Variants in CTTNBP2 observed in about 807,000 individuals in gnomAD.
CTTNBP2 encodes the protein cortactin-binding protein 2.
CTTNBP2 carries 108 observed loss-of-function variants against 156.9 expected under a neutral mutation model. The observed-to-expected ratio is 0.69, with a 90% CI of 0.59 to 0.81. The LOEUF (loss-of-function observed/expected upper bound fraction) is 0.81. Among genes scored for constraint, CTTNBP2 ranks in the 30% least tolerant of loss-of-function variants. The probability of loss-of-function intolerance (pLI) is 0.00; values close to 1 mark genes in which losing one functional copy is unlikely to be tolerated. For missense variants in CTTNBP2, 1,924 were observed against 2,035.4 expected (o/e 0.95, Z 1.05); for synonymous variants, 767 against 751.8 (o/e 1.02, Z -0.33).
At chr7:117,765,833 T>C (rs535150538) in intron 9 of CTTNBP2, among the ~76,000 whole-genome samples, 2 of 152,286 alleles carry the variant, frequency 1.3e-5, no homozygotes, top group African/African-American at 4.8e-5. Context: ...TTATGCACTA[T>C]CAACAATCTC....
chr7:117,831,958 T>C (rs1271194824), intron 2 of CTTNBP2, among the ~76,000 whole-genome samples: 2 of 152,204 alleles, frequency 1.3e-5, no homozygotes, highest in Non-Finnish European at 2.9e-5. Flanking sequence ...AACAGTATTC[T>C]ATGACCAAAA....
chr7:117,836,510 C>T (rs1801949620), intron 2 of CTTNBP2, among the ~76,000 whole-genome samples: 2 of 152,282 alleles, frequency 1.3e-5, no homozygotes, highest in South Asian at 4.1e-4. Flanking sequence ...TGGCAGTGAG[C>T]TGAGATCGCG....
chr7:117,728,209 A>C lies in CTTNBP2; in HGVS notation c.3935T>G (p.Leu1312Arg). 6.2e-7 allele frequency: 1 copy of C among 1,614,218 alleles called. No individual in the cohort carries two copies. Among genetic ancestry groups the C allele is most frequent in the Non-Finnish European group, 8.5e-7 (1 of 1,180,018 alleles). ...DPVCKIVDWA[L>R]SVWRQLNSCL... ...GGAGTTAAGCTGACGCCAGACGGAC[A>C]GAGCCCAGTCGACAATCTTGCACAC... Residue 1312 changes from leucine (L) to arginine (R), a missense_variant, in exon 17 of 23, where the codon CTG becomes CGG. Physicochemically the swap from Leu to Arg is moderately radical, Grantham distance 102. Transcript: ENST00000160373.
intron 14 of CTTNBP2, among the ~76,000 whole-genome samples, chr7:117,741,431 G>C (rs1796010374): frequency 1.3e-5 from 2 of 152,184 alleles, no homozygotes; most frequent in Non-Finnish European, 2.9e-5. Flanking sequence ...GCTACATACA[G>C]AATAAAAATC....
At chr7:117,780,679 A>G in intron 6 of CTTNBP2, 88 bp from the exon 7 acceptor site, 1 of 715,096 alleles carries the variant, frequency 1.4e-6, no homozygotes, top group Non-Finnish European at 2.1e-6. Context: ...CAGAAAAGAA[A>G]GCAATGTTGC....
intron 2 of CTTNBP2, among the ~76,000 whole-genome samples, chr7:117,858,123 C>A (rs1020295065): frequency 3.3e-5 from 5 of 152,262 alleles, no homozygotes; most frequent in African/African-American, 1.2e-4. Context: ...GTAATCCCAG[C>A]ACTTTGGAAG....
At chr7:117,819,988 A>G (rs1295113004) in intron 2 of CTTNBP2, among the ~76,000 whole-genome samples, 1 of 152,230 alleles carries the variant, frequency 6.6e-6, no homozygotes, top group Non-Finnish European at 1.5e-5. Flanking sequence ...GTTGCACAGA[A>G]GTCAGAGCCA....
intron 2 of CTTNBP2, among the ~76,000 whole-genome samples, chr7:117,849,166 G>A (rs921905315): frequency 5.3e-5 from 8 of 152,208 alleles, no homozygotes; most frequent in Admixed American, 2.0e-4. Context: ...TGAGCAGAAA[G>A]CCTTTCCAAC....
chr7:117,780,421 A>T lies in CTTNBP2; in HGVS notation c.2523+20T>A. 1 of 1,484,646 alleles carries T rather than the reference A, an allele frequency of 6.7e-7. No individual in the cohort carries two copies. Among genetic ancestry groups the T allele is most frequent in the Admixed American group, 2.5e-5 (1 of 39,946 alleles). The allele number at this position is 1,484,646 out of a possible 1,614,324, so 92.0% of individuals were successfully genotyped here. A position where few individuals can be genotyped will look rare whatever the true frequency, so the allele number is the denominator to read the frequency against. On this transcript the variant is annotated intron_variant, in intron 7 of 22. Transcript: ENST00000160373. The stretch of plus-strand genomic sequence containing the variant: ...TTGCAAATTATATATACAGGGGGAA[A>T]AAAACAGACTGCTACTCACTGTGGT...
intron 3 of CTTNBP2, among the ~76,000 whole-genome samples, chr7:117,805,497 C>T (rs1799876651): frequency 6.6e-6 from 1 of 152,118 alleles, no homozygotes; most frequent in South Asian, 2.1e-4. Context: ...GCTTAAAATG[C>T]AATAATAATA....
At chr7:117,866,176 T>C (rs906860077) in intron 1 of CTTNBP2, among the ~76,000 whole-genome samples, 24 of 152,046 alleles carry the variant, frequency 1.6e-4, no homozygotes, top group African/African-American at 5.6e-4. Flanking sequence ...TAAACTCATC[T>C]TAAATTTCCA....
chr7:117,714,710 G>A (rs1326996996), intron 22 of CTTNBP2, among the ~76,000 whole-genome samples: 2 of 152,170 alleles, frequency 1.3e-5, no homozygotes, highest in Non-Finnish European at 1.5e-5. Flanking sequence ...GAAGTGTGAG[G>A]CTAGAATGGA....
intron 2 of CTTNBP2, among the ~76,000 whole-genome samples, chr7:117,817,226 C>T (rs1027745544): frequency 1.1e-4 from 16 of 148,780 alleles, no homozygotes; most frequent in Non-Finnish European, 1.6e-4. Context: ...CCCAGCTACT[C>T]GAGAGGCTGA....
intron 2 of CTTNBP2, among the ~76,000 whole-genome samples, chr7:117,848,435 C>T (rs996542285): frequency 5.8e-4 from 89 of 152,200 alleles, no homozygotes; most frequent in African/African-American, 2.1e-3. Context: ...CCCATTTATA[C>T]TCAGCCATTA....
At chr7:117,843,897 C>T (rs1033050089) in intron 2 of CTTNBP2, among the ~76,000 whole-genome samples, 2 of 152,106 alleles carry the variant, frequency 1.3e-5, no homozygotes, top group Non-Finnish European at 2.9e-5. Flanking sequence ...CCTTACATGG[C>T]AAAAGGGATG....
At chr7:117,783,014 G>T in intron 5 of CTTNBP2, 53 bp from the exon 6 acceptor site, 1 of 1,300,364 alleles carries the variant, frequency 7.7e-7, no homozygotes, top group South Asian at 1.2e-5. Flanking sequence ...GTTATGATGT[G>T]CCAAATTCTA....
At chr7:117,776,976 T>C (rs1798139411) in intron 8 of CTTNBP2, among the ~76,000 whole-genome samples, 1 of 152,256 alleles carries the variant, frequency 6.6e-6, no homozygotes, top group South Asian at 2.1e-4. Flanking sequence ...CAGAAAAACA[T>C]GAAAACATGA....
At position 117,728,219 on chromosome 7, in the gene CTTNBP2, C is replaced by G; in HGVS notation, c.3925G>C (p.Asp1309His). The G allele has an allele frequency of 6.2e-7, 1 of 1,614,126 alleles. No individual in the cohort carries two copies. The highest frequency in any genetic ancestry group is 8.5e-7 in the Non-Finnish European group (1 of 1,180,006). The change falls in exon 17 of 23, where the codon GAC becomes CAC. Residue 1309 changes from aspartate to histidine, a missense_variant. By Grantham distance (81) the Asp-to-His change is moderately conservative. Transcript: ENST00000160373. ...TGACGCCAGACGGACAGAGCCCAGT[C>G]GACAATCTTGCACACAGGATCGCAG... The part of the protein sequence containing the change: ...SPCDPVCKIV[D>H]WALSVWRQLN...
At chr7:117,769,152 G>A (rs1446836396) in intron 8 of CTTNBP2, among the ~76,000 whole-genome samples, 2 of 152,206 alleles carry the variant, frequency 1.3e-5, no homozygotes, top group Non-Finnish European at 2.9e-5. Context: ...ACTTCCACAA[G>A]GAGTATACAT....
Sources: allele counts gnomAD v4.1 joint callset (sites outside exome capture counted in the v4.1 genomes callset), GRCh38; gene constraint gnomAD v4.1.1; transcripts MANE v1.5; gene names NCBI Gene and HGNC (gene_info 2026-07-23, HGNC 2026-07-21).